Variants in PKD1L1 observed in about 807,000 individuals in gnomAD.
PKD1L1 encodes polycystin 1 like 1, transient receptor potential channel interacting, also known as polycystin-1-like protein 1.
A neutral mutation model predicts 323.4 loss-of-function variants in PKD1L1; 236 were observed. That is an observed-to-expected ratio of 0.73 (90% confidence interval 0.66 to 0.81). The LOEUF is 0.81. Ranked by LOEUF, PKD1L1 falls within the 40% of genes least tolerant of loss-of-function variation. The pLI, the probability that PKD1L1 is intolerant of heterozygous loss-of-function variation, is 0.00. For missense variants in PKD1L1, 3,320 were observed against 3,508.0 expected, an observed-to-expected ratio of 0.95 and a Z score of 1.35; for synonymous variants, 1,344 against 1,335.0, an observed-to-expected ratio of 1.01 and a Z score of -0.15.
chr7:47,796,110 G>T lies in PKD1L1; in HGVS notation c.8234C>A (p.Ser2745Tyr), dbSNP rs764468403. 1 of 1,609,078 alleles carries T rather than the reference G, an allele frequency of 6.2e-7. No individual in the cohort carries two copies. Reference protein sequence around the residue: ...FLMTLPQKRKSFQSKSFVRLK... With the variant: ...FLMTLPQKRKYFQSKSFVRLK... ...TCTCACAAAAGATTTACTTTGAAAAGATTTTCTTTTTTGGGGTAAAGTCAT... is the reference window on the plus strand; with the variant it reads ...TCTCACAAAAGATTTACTTTGAAAATATTTTCTTTTTTGGGGTAAAGTCAT... The change falls in exon 55 of 57, where the codon TCT (serine) becomes TAT (tyrosine). Residue 2745 changes from serine to tyrosine, a missense_variant. Transcript: ENST00000289672.
Position 47,904,492 on chromosome 7 carries a change from G to A in PKD1L1, c.1817C>T (p.Ala606Val). 6.2e-7 allele frequency: 1 copy of A among 1,614,140 alleles called. No homozygotes were observed. Among genetic ancestry groups the A allele is most frequent in the Non-Finnish European group, 8.5e-7 (1 of 1,180,028 alleles). The change falls in exon 12 of 57, where the codon GCC becomes GTC. Residue 606 changes from alanine to valine, a missense_variant. Ala to Val is a moderately conservative substitution (Grantham distance 64, BLOSUM62 0). Coordinates refer to ENST00000289672, the MANE Select transcript of PKD1L1 (RefSeq NM_138295.5). ...GATCCAGCACTCAAAGGCCACACTGGCATTTACCAGAGCTGAGGAGGGGGA... is the reference window on the plus strand; with the variant it reads ...GATCCAGCACTCAAAGGCCACACTGACATTTACCAGAGCTGAGGAGGGGGA... ...LTSPSSALVN[A>V]SVAFECWINF...
intron 19 of PKD1L1, 102 bp from the exon 20 acceptor site, chr7:47,882,187 TGC>T (rs1554406873): frequency 3.0e-5 from 36 of 1,194,040 alleles, no homozygotes; most frequent in Admixed American, 4.8e-5. Context: ...TTTGTACTAT[TGC>T]TGGATACCGC....
At chr7:47,932,533 G>A (rs887885863) in intron 4 of PKD1L1, among the ~76,000 whole-genome samples, 4 of 152,250 alleles carry the variant, frequency 2.6e-5, no homozygotes, top group Non-Finnish European at 5.9e-5. Flanking sequence ...CAAGGACCGT[G>A]CCTCTGGCCA....
intron 54 of PKD1L1, among the ~76,000 whole-genome samples, chr7:47,798,947 T>TA (rs1784602407): frequency 1.3e-5 from 2 of 152,196 alleles, no homozygotes; most frequent in Non-Finnish European, 2.9e-5. Context: ...GAGATGCTGT[T>TA]AAGAGAATAA....
chr7:47,792,869 G>T, intron 55 of PKD1L1, 72 bp from the exon 56 acceptor site: 2 of 1,370,050 alleles, frequency 1.5e-6, no homozygotes, highest in Non-Finnish European at 1.0e-6. Context: ...ATTATGTGAA[G>T]CATTTAGGGG....
chr7:47,942,863 C>T (rs1788016293), intron 2 of PKD1L1, among the ~76,000 whole-genome samples: 1 of 152,144 alleles, frequency 6.6e-6, no homozygotes, highest in South Asian at 2.1e-4. Flanking sequence ...ATATACCATC[C>T]TGGCCAGGCG....
At chr7:47,921,987 C>T (rs1787552960) in intron 7 of PKD1L1, among the ~76,000 whole-genome samples, 2 of 151,802 alleles carry the variant, frequency 1.3e-5, no homozygotes, top group South Asian at 2.1e-4. Flanking sequence ...GTACTGCTGC[C>T]ATCTCCACTC....
At chr7:47,956,009 A>G in the PKD1L1 span, among the ~76,000 whole-genome samples, 1 of 152,230 alleles carries the variant, frequency 6.6e-6, no homozygotes, top group African/African-American at 2.4e-5. Context: ...CGAGAGTGAC[A>G]TCAGCCAAAC....
chr7:47,799,599 C>T (rs1784617006), intron 54 of PKD1L1, among the ~76,000 whole-genome samples: 1 of 152,172 alleles, frequency 6.6e-6, no homozygotes, highest in South Asian at 2.1e-4. Context: ...AATGAGGAGG[C>T]ATGCTCAGAG....
intron 26 of PKD1L1, among the ~76,000 whole-genome samples, chr7:47,862,405 G>A (rs1355649073): frequency 2.0e-5 from 3 of 152,122 alleles, no homozygotes; most frequent in African/African-American, 4.8e-5. Flanking sequence ...GGGATGGTAG[G>A]AGGACAGGGC....
intron 45 of PKD1L1, among the ~76,000 whole-genome samples, chr7:47,823,579 G>T (rs1233808247): frequency 6.6e-6 from 1 of 152,126 alleles, no homozygotes; most frequent in African/African-American, 2.4e-5. Flanking sequence ...GGACTGTTTT[G>T]GGTAGGTTGC....
chr7:47,880,649 T>C, intron 21 of PKD1L1, 79 bp downstream of exon 21: 4 of 1,164,726 alleles, frequency 3.4e-6, no homozygotes, highest in East Asian at 2.5e-5. Flanking sequence ...CTGCACCCCA[T>C]TCCTTAGGAA....
At chr7:47,804,629 T>A (rs1784738429) in intron 52 of PKD1L1, among the ~76,000 whole-genome samples, 1 of 151,916 alleles carries the variant, frequency 6.6e-6, no homozygotes, top group Non-Finnish European at 1.5e-5. Context: ...GCCACCATAG[T>A]GGCTATTATT....
At chr7:47,866,091 T>A (rs1190196906) in intron 25 of PKD1L1, among the ~76,000 whole-genome samples, 1 of 152,166 alleles carries the variant, frequency 6.6e-6, no homozygotes, top group African/African-American at 2.4e-5. Flanking sequence ...TCTTCAGAAG[T>A]TGCACAAAAT....
intron 41 of PKD1L1, among the ~76,000 whole-genome samples, chr7:47,831,642 C>T (rs545425829): frequency 2.6e-5 from 4 of 152,272 alleles, no homozygotes; most frequent in Admixed American, 6.5e-5. Context: ...AACTCCTGCC[C>T]GACTGCTGAG....
intron 40 of PKD1L1, among the ~76,000 whole-genome samples, chr7:47,833,908 G>A (rs1785401039): frequency 6.6e-6 from 1 of 152,200 alleles, no homozygotes; most frequent in Non-Finnish European, 1.5e-5. Context: ...TCCCAGCACT[G>A]GGGCAGCTTC....
intron 26 of PKD1L1, among the ~76,000 whole-genome samples, 167 bp downstream of exon 26, chr7:47,865,049 A>G (rs2128743703): frequency 6.6e-6 from 1 of 152,140 alleles, no homozygotes; most frequent in South Asian, 2.1e-4. Context: ...TCTATATTCA[A>G]AATTTCTGAG....
In PKD1L1 at chr7:47,839,096, G is replaced by A. The variant is rs1399972480; in HGVS notation, c.5769+350C>T. Among the ~76,000 whole-genome samples, 1 of 152,012 alleles carries A rather than the reference G, an allele frequency of 6.6e-6. No homozygotes were observed. The highest frequency in any genetic ancestry group is 1.5e-5 in the Non-Finnish European group (1 of 68,012). On this transcript the variant is annotated intron_variant, in intron 36 of 56. Coordinates refer to ENST00000289672, the MANE Select transcript of PKD1L1 (RefSeq NM_138295.5). The surrounding 1 kb of genome is among the most constrained non-coding windows in gnomAD (Gnocchi z 4.3). ...ATACCACATCTGTAATTACTCTATT[G>A]ATAGTTATCTAGGTTGTTTGGGACA... is the stretch of plus-strand genomic sequence containing the variant.
At chr7:47,932,092 C>T (rs1023426604) in intron 4 of PKD1L1, 36 bp from the exon 5 acceptor site, 2 of 1,581,284 alleles carry the variant, frequency 1.3e-6, no homozygotes, top group African/African-American at 2.7e-5. Flanking sequence ...GAAAAGGAAA[C>T]CCGGTCATGT....
Sources: gnomAD v4.1 joint callset for allele counts (sites outside exome capture counted in the v4.1 genomes callset) on GRCh38, gnomAD v4.1.1 for gene constraint, Gnocchi (gnomAD v3.1) non-coding constraint, MANE v1.5 for transcripts, NCBI Gene and HGNC (gene_info 2026-07-23, HGNC 2026-07-21) for gene names.